Variants in LRMDA observed in about 807,000 individuals in gnomAD.
The protein encoded by LRMDA is leucine rich melanocyte differentiation associated, also known as leucine-rich melanocyte differentiation-associated protein.
A neutral mutation model predicts 29.8 loss-of-function variants in LRMDA; 18 were observed. That is an observed-to-expected ratio of 0.60 (90% CI 0.42 to 0.90). The LOEUF (loss-of-function observed/expected upper bound fraction) is 0.90, where lower values mean the gene tolerates loss of function less well. Ranked by LOEUF, LRMDA falls within the 40% of genes least tolerant of loss-of-function variation. The pLI, the probability that LRMDA is intolerant of heterozygous loss-of-function variation, is 0.00. For synonymous variants in LRMDA, 125 were observed against 109.4 expected, an observed-to-expected ratio of 1.14 and a Z score of -0.89; for missense variants, 273 against 273.9, an observed-to-expected ratio of 1.00 and a Z score of 0.02.
At chr10:76,441,898 G>A (rs774900022) in intron 6 of LRMDA, among the ~76,000 whole-genome samples, 2 of 152,090 alleles carry the variant, frequency 1.3e-5, no homozygotes, top group African/African-American at 2.4e-5. Flanking sequence ...CTGTGGCACC[G>A]TGCTCACTGA....
intron 6 of LRMDA, chr10:76,433,629 C>G (rs1842214515): frequency 6.6e-6 from 1 of 152,226 alleles, no homozygotes; most frequent in Admixed American, 6.5e-5. Flanking sequence ...ACACTGCTCT[C>G]AGGAACGCAC....
chr10:75,999,635 G>A (rs1303573193), intron 2 of LRMDA, among the ~76,000 whole-genome samples: 1 of 152,216 alleles, frequency 6.6e-6, no homozygotes, highest in East Asian at 1.9e-4. Flanking sequence ...CGCTGCTTCA[G>A]TATTCATTTC....
chr10:76,479,409 C>A (rs967958610), intron 6 of LRMDA, among the ~76,000 whole-genome samples: 3 of 151,868 alleles, frequency 2.0e-5, no homozygotes, highest in African/African-American at 7.3e-5. Context: ...CTCAGAAGGG[C>A]CCAGGCTTGG....
chr10:75,661,602 A>G (rs1841754150), intron 2 of LRMDA, among the ~76,000 whole-genome samples: 1 of 152,150 alleles, frequency 6.6e-6, no homozygotes, highest in African/African-American at 2.4e-5. Context: ...TATGAATGTG[A>G]GATATATATA....
chr10:76,391,051 C>T (rs188697470), intron 6 of LRMDA, among the ~76,000 whole-genome samples: 4 of 152,300 alleles, frequency 2.6e-5, no homozygotes, highest in African/African-American at 9.6e-5. Context: ...TGACACCATT[C>T]TTTCATAAAA....
intron 2 of LRMDA, among the ~76,000 whole-genome samples, chr10:75,576,974 T>G (rs921875709): frequency 2.0e-5 from 3 of 152,288 alleles, no homozygotes; most frequent in East Asian, 1.9e-4. Context: ...CCAGAATGCT[T>G]CTTCTCTTCA....
chr10:76,159,841 G>A (rs1024792943), intron 5 of LRMDA, among the ~76,000 whole-genome samples: 1 of 152,122 alleles, frequency 6.6e-6, no homozygotes, highest in Non-Finnish European at 1.5e-5. Flanking sequence ...ACTATAGAGA[G>A]AGCACAAAGA....
rs1427535116 is a variant in LRMDA at position 75,967,543 on chromosome 10, A to G, written c.132-68465A>G. 2.6e-5 allele frequency among the ~76,000 whole-genome samples: 4 copies of G among 152,372 alleles called. No homozygotes were observed. The East Asian group carries it at 7.7e-4, about 29-fold the overall frequency. The stretch of plus-strand genomic sequence containing the variant: ...TCATTATCATGTATCAACATAATAA[A>G]TGAGTCCTTCAGAGCATGGTAATTA... On this transcript the variant is annotated intron_variant, in intron 2 of 6. Coordinates refer to ENST00000611255, the MANE Select transcript of LRMDA (RefSeq NM_001305581.2).
At chr10:76,227,436 A>G (rs76147159) in intron 5 of LRMDA, among the ~76,000 whole-genome samples, 6,298 of 152,246 alleles carry the variant, frequency 0.041, 414 homozygotes, top group African/African-American at 0.14. Flanking sequence ...TGGCTCCATG[A>G]ACGTGGGGCA....
intron 5 of LRMDA, among the ~76,000 whole-genome samples, chr10:76,101,890 C>A (rs1039699470): frequency 6.6e-6 from 1 of 152,288 alleles, no homozygotes; most frequent in East Asian, 1.9e-4. Flanking sequence ...ACCCACAAAG[C>A]AGTTTCTCCC....
intron 1 of LRMDA, among the ~76,000 whole-genome samples, chr10:75,435,241 C>T (rs189830085): frequency 6.6e-6 from 1 of 152,254 alleles, no homozygotes; most frequent in East Asian, 1.9e-4. Context: ...TCTCTGTATC[C>T]CGTCTCCCTT....
chr10:75,937,738 A>T (rs759569679), intron 2 of LRMDA, among the ~76,000 whole-genome samples: 45 of 152,212 alleles, frequency 3.0e-4, no homozygotes, highest in Non-Finnish European at 5.0e-4. Context: ...GCGGGCGTGT[A>T]AGGAAAGAAG....
chr10:76,348,420 G>A (rs977943737), intron 6 of LRMDA, among the ~76,000 whole-genome samples: 2 of 152,178 alleles, frequency 1.3e-5, no homozygotes, highest in Non-Finnish European at 2.9e-5. Flanking sequence ...TAAAGTAAAA[G>A]TGCTTAAGCA....
At chr10:75,900,218 A>G (rs1845647563) in intron 2 of LRMDA, among the ~76,000 whole-genome samples, 1 of 152,224 alleles carries the variant, frequency 6.6e-6, no homozygotes, top group East Asian at 1.9e-4. Context: ...TCATCCTGGC[A>G]TATTTGCACC....
At chr10:75,502,642 G>A (rs1286951146) in intron 2 of LRMDA, among the ~76,000 whole-genome samples, 1 of 152,174 alleles carries the variant, frequency 6.6e-6, no homozygotes, top group Non-Finnish European at 1.5e-5. Flanking sequence ...AACTCAGGCA[G>A]GTGCAAGTAT....
chr10:75,862,086 C>G (rs777196866), intron 2 of LRMDA, among the ~76,000 whole-genome samples: 10 of 152,014 alleles, frequency 6.6e-5, no homozygotes, highest in Non-Finnish European at 1.3e-4. Flanking sequence ...AACTGAGCCC[C>G]TATCAACCTA....
At chr10:76,201,240 G>C (rs1851423418) in intron 5 of LRMDA, among the ~76,000 whole-genome samples, 1 of 151,902 alleles carries the variant, frequency 6.6e-6, no homozygotes, top group South Asian at 2.1e-4. Context: ...GGGATTACAG[G>C]CATGCACCAC....
At chr10:75,561,847 G>A (rs1370009202) in intron 2 of LRMDA, among the ~76,000 whole-genome samples, 1 of 152,092 alleles carries the variant, frequency 6.6e-6, no homozygotes, top group African/African-American at 2.4e-5. Context: ...AGTTTTGAGT[G>A]AGTTTCTTAA....
intron 6 of LRMDA, among the ~76,000 whole-genome samples, chr10:76,467,466 T>A (rs746529947): frequency 9.9e-5 from 15 of 152,230 alleles, no homozygotes; most frequent in Non-Finnish European, 1.9e-4. Flanking sequence ...TTTCTCTAAA[T>A]AATCCAATTT....
Sources: allele counts gnomAD v4.1 joint callset (sites outside exome capture counted in the v4.1 genomes callset), GRCh38; gene constraint gnomAD v4.1.1; transcripts MANE v1.5; gene names NCBI Gene and HGNC (gene_info 2026-07-23, HGNC 2026-07-21).